ROBO1: variants seen among roughly 807,000 people sequenced by gnomAD.
ROBO1 encodes the protein roundabout homolog 1.
Under a neutral mutation model 195.9 loss-of-function variants are expected in ROBO1, and 149 were observed. The observed-to-expected ratio is 0.76, with a 90% confidence interval of 0.67 to 0.87. ROBO1 has a LOEUF of 0.87. Among genes scored for constraint, ROBO1 ranks in the 40% least tolerant of loss-of-function variants. The pLI is 0.00. For missense variants in ROBO1, 1,933 were observed against 2,068.3 expected (o/e 0.93, Z 1.27); for synonymous variants, 816 against 733.2 (o/e 1.11, Z -1.82).
chr3:79,062,008 A>G (rs773462537), intron 3 of ROBO1, among the ~76,000 whole-genome samples: 1 of 152,176 alleles, frequency 6.6e-6, no homozygotes, highest in African/African-American at 2.4e-5. Flanking sequence ...ATGGGATCTC[A>G]TTAAACTAAA....
chr3:79,589,179 C>G lies in ROBO1; in HGVS notation c.88+645G>C, dbSNP rs938349059. Among the ~76,000 whole-genome samples the G allele has an allele frequency of 5.3e-5, 8 of 151,672 alleles. No individual in the cohort carries two copies. In the East Asian group the frequency reaches 1.5e-3, roughly 29 times the overall value. ...TAAAATTATATTTTCATTAGTACAT[C>G]AATATATTTTTGTATTTTCTGCTAC... On this transcript the variant is annotated intron_variant, in intron 2 of 30. Coordinates refer to ENST00000464233, the MANE Select transcript of ROBO1 (RefSeq NM_002941.4).
At chr3:78,963,285 C>T (rs2041478608) in intron 3 of ROBO1, among the ~76,000 whole-genome samples, 1 of 151,772 alleles carries the variant, frequency 6.6e-6, no homozygotes, top group Admixed American at 6.6e-5. Context: ...AAAATATATA[C>T]AGTACATTTC....
intron 2 of ROBO1, among the ~76,000 whole-genome samples, chr3:79,434,565 C>T (rs566761684): frequency 1.3e-5 from 2 of 151,742 alleles, no homozygotes; most frequent in South Asian, 4.1e-4. Flanking sequence ...AGTCAGGAAA[C>T]AGTGCCGGAG....
At chr3:79,019,406 G>A (rs1176017423) in intron 3 of ROBO1, 1 of 985,962 alleles carries the variant, frequency 1.0e-6, no homozygotes, top group Non-Finnish European at 1.2e-6. Flanking sequence ...GCTCCTCCCG[G>A]ATCAGCGGCG....
intron 1 of ROBO1, among the ~76,000 whole-genome samples, chr3:79,590,398 C>T (rs749259605): frequency 2.0e-5 from 3 of 151,682 alleles, no homozygotes; most frequent in Non-Finnish European, 4.4e-5. Context: ...AAACAAAAAA[C>T]TTGCTCTTCA....
At chr3:79,653,677 G>A (rs1946079108) in intron 1 of ROBO1, among the ~76,000 whole-genome samples, 1 of 151,966 alleles carries the variant, frequency 6.6e-6, no homozygotes, top group Non-Finnish European at 1.5e-5. Flanking sequence ...TTTGTGTAAT[G>A]TGTCTGTAGT....
chr3:79,311,170 G>T (rs2033467953), intron 2 of ROBO1, among the ~76,000 whole-genome samples: 1 of 152,066 alleles, frequency 6.6e-6, no homozygotes, highest in Non-Finnish European at 1.5e-5. Flanking sequence ...TTCTTATTTA[G>T]TTGTGAGCAG....
intron 1 of ROBO1, among the ~76,000 whole-genome samples, chr3:79,691,938 C>A (rs368395262): frequency 1.1e-4 from 17 of 151,966 alleles, no homozygotes; most frequent in African/African-American, 3.9e-4. Flanking sequence ...TATTAGACAG[C>A]ACAATTGTTT....
intron 2 of ROBO1, among the ~76,000 whole-genome samples, chr3:79,536,316 A>G (rs1941860872): frequency 6.6e-6 from 1 of 152,132 alleles, no homozygotes; most frequent in Admixed American, 6.6e-5. Context: ...GCAAATAGTG[A>G]TCTAGCTGAT....
chr3:79,110,634 T>G (rs1400565658), intron 3 of ROBO1, among the ~76,000 whole-genome samples: 1 of 150,552 alleles, frequency 6.6e-6, no homozygotes, highest in Non-Finnish European at 1.5e-5. Flanking sequence ...TTTTTTTTTT[T>G]TTTTTTGGAG....
At chr3:78,845,867 C>A (rs1190454176) in intron 4 of ROBO1, among the ~76,000 whole-genome samples, 1 of 152,148 alleles carries the variant, frequency 6.6e-6, no homozygotes, top group Non-Finnish European at 1.5e-5. Context: ...TGCAGTAAAT[C>A]ATTTTTAAAA....
chr3:78,839,486 C>G (rs1033059563), intron 4 of ROBO1, among the ~76,000 whole-genome samples: 1 of 150,066 alleles, frequency 6.7e-6, no homozygotes, highest in Non-Finnish European at 1.5e-5. Flanking sequence ...TATGATGCTC[C>G]ATTGATAACA....
intron 2 of ROBO1, among the ~76,000 whole-genome samples, chr3:79,150,308 C>A (rs1160639): frequency 6.6e-6 from 1 of 151,618 alleles, no homozygotes; most frequent in Non-Finnish European, 1.5e-5. Context: ...CTAAGTTACT[C>A]ACATGCCAGA....
In ROBO1 at chr3:78,978,758, T is replaced by C. The variant is rs34671945; in HGVS notation, c.173-39831A>G. 8.1e-3 allele frequency among the ~76,000 whole-genome samples: 1,232 copies of C among 152,270 alleles called. 17 individuals are homozygous for C. Among genetic ancestry groups the C allele is most frequent in the African/African-American group, 0.028 (1,169 of 41,558 alleles). On this transcript the variant is annotated intron_variant, in intron 3 of 30. Coordinates refer to ENST00000464233, the MANE Select transcript of ROBO1 (RefSeq NM_002941.4). ...AAGGGCCAGATGATCCTAAAATAGA[T>C]CTTCGCTCTCAATAATGAAAATCTG...
At chr3:79,025,998 C>T (rs1473066914) in intron 3 of ROBO1, among the ~76,000 whole-genome samples, 1 of 152,112 alleles carries the variant, frequency 6.6e-6, no homozygotes, top group Non-Finnish European at 1.5e-5. Context: ...AACATCCTTA[C>T]ATCATTAGAT....
chr3:78,711,501 T>C (rs1281955232), intron 8 of ROBO1, among the ~76,000 whole-genome samples: 1 of 148,566 alleles, frequency 6.7e-6, no homozygotes, highest in African/African-American at 2.5e-5. Flanking sequence ...CTTTCTTTTT[T>C]TGAGGCAGAG....
At chr3:79,495,828 A>G (rs1014534068) in intron 2 of ROBO1, among the ~76,000 whole-genome samples, 10 of 152,122 alleles carry the variant, frequency 6.6e-5, no homozygotes, top group Non-Finnish European at 1.3e-4. Flanking sequence ...ATCAATATCT[A>G]TTTCGCTAAC....
At chr3:79,340,543 C>A (rs1051463847) in intron 2 of ROBO1, among the ~76,000 whole-genome samples, 1 of 152,074 alleles carries the variant, frequency 6.6e-6, no homozygotes, top group Non-Finnish European at 1.5e-5. Flanking sequence ...CATGAGTGGA[C>A]CCCTAATGAT....
At chr3:79,642,332 G>A (rs924662158) in intron 1 of ROBO1, among the ~76,000 whole-genome samples, 3 of 152,114 alleles carry the variant, frequency 2.0e-5, no homozygotes, top group Admixed American at 2.0e-4. Context: ...GGGGACTTCA[G>A]TAAGAGCAAG....
Sources: allele counts gnomAD v4.1 joint callset (sites outside exome capture counted in the v4.1 genomes callset), GRCh38; gene constraint gnomAD v4.1.1; transcripts MANE v1.5; gene names NCBI Gene and HGNC (gene_info 2026-07-23, HGNC 2026-07-21).